Variants in CMTM7 observed in about 807,000 individuals in gnomAD.
The protein encoded by CMTM7 is CKLF like MARVEL transmembrane domain containing 7.
A neutral mutation model predicts 19.3 loss-of-function variants in CMTM7; 7 were observed. The observed-to-expected ratio is 0.36, with a 90% CI of 0.21 to 0.68. The LOEUF (loss-of-function observed/expected upper bound fraction) is 0.68, where lower values mean the gene tolerates loss of function less well. Ranked by LOEUF, CMTM7 falls within the 30% of genes least tolerant of loss-of-function variation. The pLI is 0.60. For synonymous variants in CMTM7, 87 were observed against 99.3 expected, an observed-to-expected ratio of 0.88 and a Z score of 0.74; for missense variants, 193 against 232.6, an observed-to-expected ratio of 0.83 and a Z score of 1.11.
In CMTM7 at chr3:32,422,969, G is replaced by A. The variant is rs147044562; in HGVS notation, c.160-18871G>A. Among the ~76,000 whole-genome samples the A allele has an allele frequency of 4.0e-3, 610 of 152,340 alleles. 6 individuals are homozygous for A. Among genetic ancestry groups the A allele is most frequent in the Non-Finnish European group, 3.1e-3 (209 of 68,032 alleles). On this transcript the variant is annotated intron_variant, in intron 1 of 4. Transcript: ENST00000334983. ...CCATTGTAAAGTTGAAAAATCATAAGTTGAACTATCATAAGTCCAGCCATC... is the reference window on the plus strand; with the variant it reads ...CCATTGTAAAGTTGAAAAATCATAAATTGAACTATCATAAGTCCAGCCATC...
Position 32,413,968 on chromosome 3 carries a change from C to A in CMTM7, c.159+21903C>A, listed in dbSNP as rs115295754. Among the ~76,000 whole-genome samples the A allele has an allele frequency of 2.8e-3, 430 of 152,274 alleles. 3 individuals are homozygous for A. Among genetic ancestry groups the A allele is most frequent in the African/African-American group, 9.7e-3 (404 of 41,552 alleles). On this transcript the variant is annotated intron_variant, in intron 1 of 4. Transcript: ENST00000334983. Reference sequence around the variant, plus strand: ...ATGATGCCTAACCTCTCCCTGGGGGCAGCCTGTATCCAGTGGTCAGTGGAG... The same window carrying A: ...ATGATGCCTAACCTCTCCCTGGGGGAAGCCTGTATCCAGTGGTCAGTGGAG...
At chr3:32,428,915 G>T in intron 1 of CMTM7, among the ~76,000 whole-genome samples, 1 of 152,156 alleles carries the variant, frequency 6.6e-6, no homozygotes, top group East Asian at 1.9e-4. Context: ...CACCAGCCAG[G>T]GTTTGCTTGA....
intron 1 of CMTM7, among the ~76,000 whole-genome samples, chr3:32,401,294 A>G (rs73827211): frequency 0.014 from 2,072 of 152,326 alleles, 46 homozygotes; most frequent in African/African-American, 0.047. Flanking sequence ...AAGAATTCCC[A>G]TCCAGGACAC....
At chr3:32,414,853 A>G (rs1696235308) in intron 1 of CMTM7, among the ~76,000 whole-genome samples, 1 of 152,052 alleles carries the variant, frequency 6.6e-6, no homozygotes, top group South Asian at 2.1e-4. Context: ...GTGGGGTACT[A>G]TTTGTCACCT....
Position 32,453,882 on chromosome 3 carries a change from G to A in CMTM7, c.515-359G>A, listed in dbSNP as rs77517639. Among the ~76,000 whole-genome samples, 912 of 152,190 alleles carry A rather than the reference G, an allele frequency of 6.0e-3. 26 individuals are homozygous for A. Among genetic ancestry groups the A allele is most frequent in the East Asian group, 0.053 (276 of 5,178 alleles). On this transcript the variant is annotated intron_variant, in intron 4 of 4. Transcript: ENST00000334983. ...GATTTTTAAACGTAGAGAATATAGG[G>A]GAAAAGAGAAGTTAATAGGTGGTGT...
chr3:32,436,194 G>T (rs1044045916), intron 1 of CMTM7, among the ~76,000 whole-genome samples: 4 of 152,172 alleles, frequency 2.6e-5, no homozygotes, highest in Non-Finnish European at 5.9e-5. Flanking sequence ...ACTATGTGCT[G>T]GGGGGAATAG....
intron 1 of CMTM7, among the ~76,000 whole-genome samples, chr3:32,398,536 G>A (rs538214268): frequency 6.6e-6 from 1 of 152,172 alleles, no homozygotes; most frequent in East Asian, 1.9e-4. Context: ...AAATGGTTAT[G>A]AATATGTAAT....
chr3:32,401,558 C>A (rs1379329650), intron 1 of CMTM7, among the ~76,000 whole-genome samples: 1 of 152,246 alleles, frequency 6.6e-6, no homozygotes, highest in Non-Finnish European at 1.5e-5. Flanking sequence ...TATTTAAATT[C>A]CCGTTGCAGC....
intron 1 of CMTM7, among the ~76,000 whole-genome samples, chr3:32,409,951 G>A (rs1274763480): frequency 6.6e-6 from 1 of 152,166 alleles, no homozygotes; most frequent in African/African-American, 2.4e-5. Context: ...AAGTCTTATT[G>A]TATGAATTTG....
At chr3:32,430,490 T>C (rs1183638178) in intron 1 of CMTM7, among the ~76,000 whole-genome samples, 2 of 152,156 alleles carry the variant, frequency 1.3e-5, no homozygotes, top group Non-Finnish European at 2.9e-5. Context: ...ACATGACTTA[T>C]TGACATCCTA....
Position 32,391,988 on chromosome 3 carries a change from A to G in CMTM7, c.82A>G (p.Ser28Gly). The change falls in exon 1 of 5, where the codon AGC (serine) becomes GGC (glycine). Residue 28 changes from serine (S) to glycine (G), a missense_variant. By Grantham distance (56) the Ser-to-Gly change is moderately conservative. Coordinates refer to ENST00000334983, the MANE Select transcript of CMTM7 (RefSeq NM_138410.4). ...ACCCGGGGCCGGCGCGGCCCAGCCCAGCGCGAGCCCCTTGGAGGGGCTGCT... is the reference window on the plus strand; with the variant it reads ...ACCCGGGGCCGGCGCGGCCCAGCCCGGCGCGAGCCCCTTGGAGGGGCTGCT... The part of the protein sequence containing the change: ...LGPGAGAAQP[S>G]ASPLEGLLDL... 8.1e-7 allele frequency: 1 copy of G among 1,233,504 alleles called. No homozygotes were observed. Among genetic ancestry groups the G allele is most frequent in the Non-Finnish European group, 1.0e-6 (1 of 987,030 alleles). 76.4% of individuals were successfully genotyped at this position (1,233,504 alleles called of 1,614,324 possible).
intron 1 of CMTM7, among the ~76,000 whole-genome samples, chr3:32,430,197 C>A (rs1456744595): frequency 2.0e-5 from 3 of 152,008 alleles, no homozygotes; most frequent in Non-Finnish European, 2.9e-5. Context: ...TCTGTCACAC[C>A]CCCCCCAAAA....
intron 1 of CMTM7, among the ~76,000 whole-genome samples, chr3:32,397,606 C>T (rs560213129): frequency 1.5e-4 from 23 of 151,902 alleles, no homozygotes; most frequent in Non-Finnish European, 2.9e-4. Flanking sequence ...TGGTGGCACA[C>T]GCCTGTAGTC....
At chr3:32,435,434 A>T (rs1170903345) in intron 1 of CMTM7, among the ~76,000 whole-genome samples, 1 of 152,244 alleles carries the variant, frequency 6.6e-6, no homozygotes, top group African/African-American at 2.4e-5. Flanking sequence ...ATTCATACAG[A>T]TACAAAGAAG....
chr3:32,435,211 G>A (rs1437839914), intron 1 of CMTM7, among the ~76,000 whole-genome samples: 7 of 152,148 alleles, frequency 4.6e-5, no homozygotes, highest in Non-Finnish European at 1.0e-4. Context: ...AGACCATCCT[G>A]GCCAACACGG....
chr3:32,403,101 G>A (rs1696033891), intron 1 of CMTM7, among the ~76,000 whole-genome samples: 1 of 152,180 alleles, frequency 6.6e-6, no homozygotes, highest in African/African-American at 2.4e-5. Flanking sequence ...CACTTTAAAC[G>A]TTTCCTCTTA....
At chr3:32,431,429 A>G (rs1054228000) in intron 1 of CMTM7, among the ~76,000 whole-genome samples, 1 of 151,762 alleles carries the variant, frequency 6.6e-6, no homozygotes, top group Non-Finnish European at 1.5e-5. Context: ...TAAGCAAGAG[A>G]CTTGACATGA....
chr3:32,447,471 A>C (rs903479518), intron 2 of CMTM7, among the ~76,000 whole-genome samples: 1 of 152,072 alleles, frequency 6.6e-6, no homozygotes, highest in East Asian at 1.9e-4. Flanking sequence ...TGAATCTTCT[A>C]TTTCCTTGTT....
At chr3:32,447,746 C>A (rs1208851840) in intron 2 of CMTM7, among the ~76,000 whole-genome samples, 1 of 151,836 alleles carries the variant, frequency 6.6e-6, no homozygotes, top group African/African-American at 2.4e-5. Context: ...GTGTAGACAC[C>A]CTGGCTTTCT....
Sources: gnomAD v4.1 joint callset for allele counts (sites outside exome capture counted in the v4.1 genomes callset) on GRCh38, gnomAD v4.1.1 for gene constraint, MANE v1.5 for transcripts, NCBI Gene and HGNC (gene_info 2026-07-23, HGNC 2026-07-21) for gene names.